HSPA4: variants seen among roughly 807,000 people sequenced by gnomAD.
HSPA4 encodes heat shock protein family A (Hsp70) member 4, also known as heat shock 70 kDa protein 4.
A neutral mutation model predicts 106.2 loss-of-function variants in HSPA4; 25 were observed. The ratio of observed to expected loss-of-function variants is 0.24; its 90% CI spans 0.17 to 0.33. The LOEUF (loss-of-function observed/expected upper bound fraction) is 0.33. Among genes scored for constraint, HSPA4 ranks in the 10% least tolerant of loss-of-function variants. HSPA4 has a pLI of 1.00. For missense variants in HSPA4, 841 were observed against 996.0 expected (o/e 0.84, Z 2.10); for synonymous variants, 332 against 333.6 (o/e 1.00, Z 0.05).
chr5:133,091,702 A>AT (rs1400492969), intron 12 of HSPA4, among the ~76,000 whole-genome samples: 1 of 152,192 alleles, frequency 6.6e-6, no homozygotes, highest in East Asian at 1.9e-4. Flanking sequence ...ATTTGTTGGA[A>AT]TTATGCACTG....
intron 11 of HSPA4, 46 bp from the exon 12 acceptor site, chr5:133,091,147 T>G (rs760289040): frequency 6.9e-7 from 1 of 1,458,910 alleles, no homozygotes; most frequent in Non-Finnish European, 9.6e-7. Context: ...ATGCTTGAAT[T>G]CATCCTCTTA....
At position 133,089,585 on chromosome 5, in the gene HSPA4, A is replaced by G. The variant is rs1475358256; in HGVS notation, c.1268A>G (p.Asn423Ser). 2 of 1,613,426 alleles carry G rather than the reference A, an allele frequency of 1.2e-6. No homozygotes were observed. The highest frequency in any genetic ancestry group is 2.2e-5 in the East Asian group (1 of 44,886). Residue 423 changes from asparagine to serine, a missense_variant, in exon 11 of 19, where the codon AAT becomes AGT. Around this residue, in one of 5 missense-constraint regions of HSPA4, gnomAD observed 162 missense variants for 177.7 expected, o/e 0.91. Coordinates refer to ENST00000304858, the MANE Select transcript of HSPA4 (RefSeq NM_002154.4). ...GSSDCEVFSK[N>S]HAAPFSKVLT... The stretch of plus-strand genomic sequence containing the variant: ...AGTGACTGTGAAGTCTTTTCCAAAA[A>G]TCATGCTGCTCCTTTCTCTAAAGTT...
chr5:133,067,933 C>T (rs1210296907), intron 3 of HSPA4, among the ~76,000 whole-genome samples: 1 of 150,186 alleles, frequency 6.7e-6, no homozygotes, highest in African/African-American at 2.5e-5. Context: ...CGCCTTGTCA[C>T]CCAGGCTGGT....
intron 16 of HSPA4, among the ~76,000 whole-genome samples, chr5:133,100,893 C>T (rs931218410): frequency 6.6e-6 from 1 of 152,192 alleles, no homozygotes; most frequent in Non-Finnish European, 1.5e-5. Flanking sequence ...GCAGCCTCGA[C>T]CTCCCATGCT....
At chr5:133,069,172 G>C (rs1200620060) in intron 3 of HSPA4, among the ~76,000 whole-genome samples, 1 of 152,004 alleles carries the variant, frequency 6.6e-6, no homozygotes, top group Non-Finnish European at 1.5e-5. Flanking sequence ...TTTAAAATTC[G>C]TAACTGTTAT....
intron 3 of HSPA4, among the ~76,000 whole-genome samples, chr5:133,069,922 T>C (rs1002561463): frequency 2.6e-5 from 4 of 152,164 alleles, no homozygotes; most frequent in African/African-American, 9.7e-5. Flanking sequence ...CCCAGCACTT[T>C]GGGAGGCCGA....
chr5:133,073,909 A>T, intron 5 of HSPA4, 84 bp from the exon 6 acceptor site: 1 of 874,326 alleles, frequency 1.1e-6, no homozygotes, highest in Non-Finnish European at 1.7e-6. Context: ...TGCATTCGTT[A>T]TATATAAAAC....
chr5:133,061,224 G>A (rs1378711184), intron 1 of HSPA4, among the ~76,000 whole-genome samples: 2 of 151,082 alleles, frequency 1.3e-5, no homozygotes, highest in African/African-American at 4.9e-5. Context: ...CTGGGTTCAC[G>A]CCATTCTCCT....
intron 1 of HSPA4, among the ~76,000 whole-genome samples, chr5:133,054,760 A>C (rs925478364): frequency 1.3e-5 from 2 of 152,116 alleles, no homozygotes; most frequent in Non-Finnish European, 2.9e-5. Context: ...TTTGTTTTTA[A>C]GCATTTTAGT....
At chr5:133,071,560 C>T (rs1358605105) in intron 4 of HSPA4, among the ~76,000 whole-genome samples, 1 of 152,198 alleles carries the variant, frequency 6.6e-6, no homozygotes, top group East Asian at 1.9e-4. Flanking sequence ...TTGGTGGAAT[C>T]CTTAGGGACT....
At position 133,104,613 on chromosome 5, in the gene HSPA4, C is replaced by A. The variant is rs140572827; in HGVS notation, c.*177C>A. The A allele has an allele frequency of 1.3e-4, 76 of 597,464 alleles. No individual in the cohort carries two copies. The highest frequency in any genetic ancestry group is 1.3e-3 in the African/African-American group (68 of 53,776). The allele number at this position is 597,464 out of a possible 1,614,324, so 37.0% of individuals were successfully genotyped here. Reference sequence around the variant, plus strand: ...ATTTTCACTTCTAAATAGTTAGATACAGAAATTAAGTGCATTGTATCTTTT... The same window carrying A: ...ATTTTCACTTCTAAATAGTTAGATAAAGAAATTAAGTGCATTGTATCTTTT... On this transcript the variant is annotated 3_prime_UTR_variant, in exon 19 of 19. Coordinates refer to ENST00000304858, the MANE Select transcript of HSPA4 (RefSeq NM_002154.4).
chr5:133,089,360 G>A (rs572724573), intron 10 of HSPA4, among the ~76,000 whole-genome samples, 199 bp downstream of exon 10: 56 of 152,228 alleles, frequency 3.7e-4, no homozygotes, highest in African/African-American at 1.3e-3. Context: ...AATCATCAGT[G>A]CCTTTTATGT....
rs1765087109 is a variant in HSPA4 at position 133,052,118 on chromosome 5, C to T, written c.-133C>T. The stretch of plus-strand genomic sequence containing the variant: ...AGTACCCACTGGAAGGACTTAGGCG[C>T]TCGCGTGGACACCGCAAGCCCCTCA... On this transcript the variant is annotated 5_prime_UTR_variant, in exon 1 of 19. Coordinates refer to ENST00000304858, the MANE Select transcript of HSPA4 (RefSeq NM_002154.4). 3.2e-6 allele frequency: 2 copies of T among 632,800 alleles called. No individual in the cohort carries two copies. Among genetic ancestry groups the T allele is most frequent in the Non-Finnish European group, 5.5e-6 (2 of 362,252 alleles). 39.2% of individuals were successfully genotyped at this position (632,800 alleles called of 1,614,324 possible).
intron 16 of HSPA4, among the ~76,000 whole-genome samples, chr5:133,100,413 T>G (rs1043430381): frequency 1.3e-5 from 2 of 151,730 alleles, no homozygotes; most frequent in Non-Finnish European, 2.9e-5. Context: ...TTTTTTTTTT[T>G]TGAGACGGAG....
intron 8 of HSPA4, among the ~76,000 whole-genome samples, chr5:133,087,154 A>G (rs982166991): frequency 1.3e-5 from 2 of 152,210 alleles, no homozygotes; most frequent in Non-Finnish European, 2.9e-5. Flanking sequence ...CTGATATGGT[A>G]GTCTTATAAG....
chr5:133,073,395 C>T, intron 5 of HSPA4, 66 bp downstream of exon 5: 1 of 1,096,412 alleles, frequency 9.1e-7, no homozygotes, highest in Non-Finnish European at 1.4e-6. Context: ...TTTTAAAACC[C>T]TGGGGTTTCT....
At chr5:133,098,589 C>T (rs534174426) in intron 15 of HSPA4, among the ~76,000 whole-genome samples, 1 of 152,178 alleles carries the variant, frequency 6.6e-6, no homozygotes, top group East Asian at 1.9e-4. Context: ...TCCCAGAGTG[C>T]TGGGATTACA....
chr5:133,076,098 T>C (rs1187053172), intron 6 of HSPA4: 1 of 153,070 alleles, frequency 6.5e-6, no homozygotes, highest in Non-Finnish European at 1.5e-5. Flanking sequence ...TAATTAGATC[T>C]AGTTTGCTTC....
At position 133,052,227 on chromosome 5, in the gene HSPA4, C is replaced by G. The variant is rs767196122; in HGVS notation, c.-24C>G. ...CTGTCTCGGTGGCCGGACCCGGGCC[C>G]GAGCCCGAGCAGTAGCCGGCGCCAT... On this transcript the variant is annotated 5_prime_UTR_variant, in exon 1 of 19. Coordinates refer to ENST00000304858, the MANE Select transcript of HSPA4 (RefSeq NM_002154.4). 4 of 1,535,266 alleles carry G rather than the reference C, an allele frequency of 2.6e-6. No individual in the cohort carries two copies. The highest frequency in any genetic ancestry group is 3.5e-6 in the Non-Finnish European group (4 of 1,136,870).
Sources: gnomAD v4.1 joint callset for allele counts (sites outside exome capture counted in the v4.1 genomes callset) on GRCh38, gnomAD v4.1.1 for gene constraint, gnomAD v4.1.1 regional missense constraint, MANE v1.5 for transcripts, NCBI Gene and HGNC (gene_info 2026-07-23, HGNC 2026-07-21) for gene names.